IGF2BP2: variants seen among roughly 807,000 people sequenced by gnomAD.
IGF2BP2 encodes the protein insulin-like growth factor 2 mRNA-binding protein 2.
IGF2BP2 carries 17 observed loss-of-function variants against 75.8 expected under a neutral mutation model. The ratio of observed to expected loss-of-function variants is 0.22; its 90% CI spans 0.15 to 0.34. IGF2BP2 has a LOEUF of 0.34. Ranked by LOEUF, IGF2BP2 falls within the 10% of genes least tolerant of loss-of-function variation. The pLI, the probability that IGF2BP2 is intolerant of heterozygous loss-of-function variation, is 1.00. For synonymous variants in IGF2BP2, 288 were observed against 295.6 expected (o/e 0.97, Z 0.26); for missense variants, 516 against 772.4 (o/e 0.67, Z 3.93).
chr3:185,677,486 TAC>T (rs1411045166), intron 7 of IGF2BP2, among the ~76,000 whole-genome samples: 1 of 152,262 alleles, frequency 6.6e-6, no homozygotes, highest in African/African-American at 2.4e-5. Flanking sequence ...CCAAAGCCAG[TAC>T]ACAGAGACTG....
intron 10 of IGF2BP2, among the ~76,000 whole-genome samples, chr3:185,659,957 G>C (rs1439091203): frequency 6.6e-6 from 1 of 151,828 alleles, no homozygotes; most frequent in Non-Finnish European, 1.5e-5. Context: ...ACCAAGCTCA[G>C]CTAATTTTGT....
At chr3:185,773,141 A>G (rs981078727) in intron 2 of IGF2BP2, among the ~76,000 whole-genome samples, 3 of 152,160 alleles carry the variant, frequency 2.0e-5, no homozygotes, top group African/African-American at 7.2e-5. Context: ...AAATCTCTTC[A>G]CTAAGGACCA....
intron 2 of IGF2BP2, among the ~76,000 whole-genome samples, chr3:185,700,323 T>C (rs1723118618): frequency 6.6e-6 from 1 of 152,234 alleles, no homozygotes; most frequent in Non-Finnish European, 1.5e-5. Flanking sequence ...AACCCCACCA[T>C]TCTAGCTCCC....
chr3:185,804,833 T>TA (rs1237138673), intron 2 of IGF2BP2, among the ~76,000 whole-genome samples: 3 of 149,612 alleles, frequency 2.0e-5, no homozygotes, highest in South Asian at 2.1e-4. Context: ...ACCAAAAATA[T>TA]AAAAAAAAAT....
chr3:185,774,705 A>C (rs1010742486), intron 2 of IGF2BP2, among the ~76,000 whole-genome samples: 3 of 151,994 alleles, frequency 2.0e-5, no homozygotes, highest in African/African-American at 7.3e-5. Flanking sequence ...TATATGTGAC[A>C]GTTAAGAGGC....
intron 2 of IGF2BP2, among the ~76,000 whole-genome samples, chr3:185,780,414 G>A (rs1184131986): frequency 3.9e-5 from 6 of 152,144 alleles, no homozygotes; most frequent in Non-Finnish European, 8.8e-5. Flanking sequence ...AGTTTATGGA[G>A]AGAACATATG....
intron 2 of IGF2BP2, among the ~76,000 whole-genome samples, chr3:185,807,227 G>A (rs1739144643): frequency 6.6e-6 from 1 of 152,144 alleles, no homozygotes. Context: ...TATAAAAGGT[G>A]AAGTAATTGA....
chr3:185,779,247 T>G (rs1326298832), intron 2 of IGF2BP2, among the ~76,000 whole-genome samples: 1 of 152,158 alleles, frequency 6.6e-6, no homozygotes, highest in South Asian at 2.1e-4. Flanking sequence ...TGAAAATCTT[T>G]AGGAATAACT....
intron 2 of IGF2BP2, among the ~76,000 whole-genome samples, chr3:185,810,043 C>T (rs569894218): frequency 6.6e-6 from 1 of 152,216 alleles, no homozygotes; most frequent in Non-Finnish European, 1.5e-5. Context: ...AATTCCCAGG[C>T]TCCTGTGTGC....
Position 185,690,047 on chromosome 3 carries a change from T to C in IGF2BP2, c.405-420A>G, listed in dbSNP as rs185181439. Among the ~76,000 whole-genome samples the C allele has an allele frequency of 2.0e-3, 298 of 151,764 alleles. 4 individuals are homozygous for C. Among genetic ancestry groups the C allele is most frequent in the African/African-American group, 7.2e-3 (296 of 41,354 alleles). ...TTTAATAGGTGCCTATATGGTGCCA[T>C]GCCAGGCACTGAACATACAGTGGTG... On this transcript the variant is annotated intron_variant, in intron 5 of 15. Coordinates refer to ENST00000382199, the MANE Select transcript of IGF2BP2 (RefSeq NM_006548.6).
chr3:185,770,124 C>T (rs1242001266), intron 2 of IGF2BP2, among the ~76,000 whole-genome samples: 1 of 152,158 alleles, frequency 6.6e-6, no homozygotes, highest in South Asian at 2.1e-4. Context: ...GGAAGCAGAA[C>T]TGGGGGATGG....
rs1271574109 is a variant in IGF2BP2 at position 185,645,483 on chromosome 3, T to G, written c.*48A>C. 9 of 1,312,612 alleles carry G rather than the reference T, an allele frequency of 6.9e-6. No homozygotes were observed. Among genetic ancestry groups the G allele is most frequent in the Non-Finnish European group, 9.9e-6 (9 of 905,962 alleles). 81.3% of individuals were successfully genotyped at this position (1,312,612 alleles called of 1,614,324 possible). ...GCGTTTGGTCTCATTCTGTCAGGTG[T>G]TGGAAGGGCTACATTCATCCGTTGT... On this transcript the variant is annotated 3_prime_UTR_variant, in exon 16 of 16. Transcript: ENST00000382199. The surrounding 1 kb of genome is among the most constrained non-coding windows in gnomAD (Gnocchi z 4.9).
chr3:185,761,472 T>C (rs1232553837), intron 2 of IGF2BP2, among the ~76,000 whole-genome samples: 2 of 152,210 alleles, frequency 1.3e-5, no homozygotes, highest in African/African-American at 4.8e-5. Context: ...GAACAAGAAC[T>C]ACGGCTTCAC....
intron 12 of IGF2BP2, among the ~76,000 whole-genome samples, chr3:185,653,853 T>C (rs1357840987): frequency 3.9e-5 from 6 of 152,076 alleles, no homozygotes; most frequent in African/African-American, 1.4e-4. Context: ...TGAGTCTAGG[T>C]CTCGAGAAAG....
chr3:185,704,367 TC>T (rs1011997700), intron 2 of IGF2BP2, among the ~76,000 whole-genome samples: 1 of 152,184 alleles, frequency 6.6e-6, no homozygotes, highest in African/African-American at 2.4e-5. Context: ...ACAAGGGACA[TC>T]CTGTGCTAAA....
At chr3:185,715,127 T>C (rs1382037261) in intron 2 of IGF2BP2, among the ~76,000 whole-genome samples, 1 of 152,098 alleles carries the variant, frequency 6.6e-6, no homozygotes, top group Non-Finnish European at 1.5e-5. Flanking sequence ...AGCAACGCTC[T>C]GAGGAATGGA....
intron 2 of IGF2BP2, among the ~76,000 whole-genome samples, chr3:185,759,827 G>A (rs1013965621): frequency 6.6e-5 from 10 of 152,172 alleles, no homozygotes; most frequent in East Asian, 5.8e-4. Context: ...AGTTAACAGC[G>A]AAAGATAATA....
At chr3:185,712,885 G>A (rs1725013372) in intron 2 of IGF2BP2, among the ~76,000 whole-genome samples, 1 of 152,104 alleles carries the variant, frequency 6.6e-6, no homozygotes, top group Admixed American at 6.6e-5. Context: ...CTTGTGTCAT[G>A]ACCCTACAGC....
chr3:185,645,291 G>A lies in IGF2BP2; in HGVS notation c.*240C>T, dbSNP rs1713317334. ...AAGTGGATGGCTGAAGCCTGCAGAA[G>A]CCCTGGGGGGCGGGAGGCGGGGCTC... On this transcript the variant is annotated 3_prime_UTR_variant, in exon 16 of 16. Transcript: ENST00000382199. The surrounding 1 kb of genome is among the most constrained non-coding windows in gnomAD (Gnocchi z 4.9). The A allele has an allele frequency of 1.8e-6, 1 of 548,672 alleles. No homozygotes were observed. Among genetic ancestry groups the A allele is most frequent in the Non-Finnish European group, 3.3e-6 (1 of 306,968 alleles). The allele number at this position is 548,672 out of a possible 1,614,324, so 34.0% of individuals were successfully genotyped here.
Sources: allele counts gnomAD v4.1 joint callset (sites outside exome capture counted in the v4.1 genomes callset), GRCh38; gene constraint gnomAD v4.1.1; non-coding constraint Gnocchi (gnomAD v3.1); transcripts MANE v1.5; gene names NCBI Gene and HGNC (gene_info 2026-07-23, HGNC 2026-07-21).